Variants in PAFAH1B2 observed in about 807,000 individuals in gnomAD.
The protein encoded by PAFAH1B2 is platelet activating factor acetylhydrolase 1b catalytic subunit 2.
In PAFAH1B2, 8 loss-of-function variants were observed where a neutral mutation model predicts 28.0. The ratio of observed to expected loss-of-function variants is 0.29; its 90% confidence interval spans 0.17 to 0.52. The LOEUF is 0.52. PAFAH1B2 is among the 20% of genes least tolerant of loss of function. The pLI is 0.97. For synonymous variants in PAFAH1B2, 104 were observed against 103.2 expected (o/e 1.01, Z -0.05); for missense variants, 190 against 282.6 (o/e 0.67, Z 2.35).
chr11:117,176,514 C>T (rs566103662), exon 6 of PAFAH1B2: 85 of 192,844 alleles, frequency 4.4e-4, no homozygotes, highest in Middle Eastern at 1.8e-3. Flanking sequence ...TCTGACAAGG[C>T]ACTGATCTGG....
At chr11:117,176,675 G>A (rs545707258) in exon 6 of PAFAH1B2, 7 of 164,588 alleles carry the variant, frequency 4.3e-5, no homozygotes, top group Admixed American at 1.3e-4. Flanking sequence ...TCAGGAGTTC[G>A]AGATCAGCCT....
downstream of PAFAH1B2, among the ~76,000 whole-genome samples, chr11:117,174,206 G>GTGTGTGTGTGTGTGTGTGTGTGT (rs60947892): frequency 2.0e-5 from 3 of 146,386 alleles, no homozygotes; most frequent in Non-Finnish European, 4.5e-5. Flanking sequence ...GTGTGTGTGT[G>GTGTGTGTGTGTGTGTGTGTGTGT]GCAGTTTCAC....
chr11:117,152,212 G>A (rs536308797), intron 1 of PAFAH1B2, among the ~76,000 whole-genome samples: 1 of 152,304 alleles, frequency 6.6e-6, no homozygotes, highest in Admixed American at 6.5e-5. Flanking sequence ...CTGCAACTAA[G>A]TCATATTCAA....
downstream of PAFAH1B2, among the ~76,000 whole-genome samples, chr11:117,171,326 T>G (rs766313509): frequency 6.6e-6 from 1 of 152,224 alleles, no homozygotes; most frequent in Non-Finnish European, 1.5e-5. Context: ...TAGGTTAGTC[T>G]GGATTATAGG....
downstream of PAFAH1B2, chr11:117,171,821 CTG>C: frequency 1.7e-6 from 2 of 1,164,276 alleles, no homozygotes; most frequent in African/African-American, 1.5e-5. Context: ...TGCTTTATCA[CTG>C]TTCACCTCAG....
downstream of PAFAH1B2, chr11:117,171,061 C>T: frequency 5.8e-6 from 6 of 1,026,010 alleles, no homozygotes; most frequent in Non-Finnish European, 7.0e-6. Flanking sequence ...TGGTGTCTTT[C>T]TGTCTCCTTT....
intron 1 of PAFAH1B2, among the ~76,000 whole-genome samples, chr11:117,150,338 G>T (rs1435564570): frequency 1.3e-5 from 2 of 151,838 alleles, no homozygotes; most frequent in Non-Finnish European, 2.9e-5. Flanking sequence ...TTGTAGAGAC[G>T]GGGGTTTCAC....
At chr11:117,174,310 A>C (rs1956734595), downstream of PAFAH1B2, among the ~76,000 whole-genome samples, 1 of 151,460 alleles carries the variant, frequency 6.6e-6, no homozygotes, top group African/African-American at 2.4e-5. Context: ...CAGCCTCCCG[A>C]GTAGCTGGGA....
At position 117,164,140 on chromosome 11, in the gene PAFAH1B2, G is replaced by A. The variant is rs1200599665; in HGVS notation, c.411+248G>A. 15 of 313,972 alleles carry A rather than the reference G, an allele frequency of 4.8e-5. No homozygotes were observed. The South Asian group carries it at 6.2e-4, about 13-fold the overall frequency. The allele number at this position is 313,972 out of a possible 1,614,324, so 19.4% of individuals were successfully genotyped here. A position where few individuals can be genotyped will look rare whatever the true frequency, so the allele number is the denominator to read the frequency against. On this transcript the variant is annotated intron_variant, in intron 5 of 5. Coordinates refer to ENST00000527958, the MANE Select transcript of PAFAH1B2 (RefSeq NM_002572.4). ...ATGGAAGCCGTGGCCAGGCGCTGTG[G>A]CTCACGCCTGTAATCCCAGCACTTT...
chr11:117,162,648 G>A (rs1434347702), intron 4 of PAFAH1B2, among the ~76,000 whole-genome samples: 1 of 151,104 alleles, frequency 6.6e-6, no homozygotes, highest in African/African-American at 2.4e-5. Flanking sequence ...ACACACCTTA[G>A]GAAGCTGAGG....
At chr11:117,172,923 G>A (rs1204827453), downstream of PAFAH1B2, among the ~76,000 whole-genome samples, 2 of 152,178 alleles carry the variant, frequency 1.3e-5, no homozygotes. Context: ...GGCTGGTCTC[G>A]AATTCCTGGC....
At chr11:117,167,308 C>G in intron 5 of PAFAH1B2, 113 bp from the exon 6 acceptor site, 2 of 1,081,472 alleles carry the variant, frequency 1.8e-6, no homozygotes, top group Non-Finnish European at 2.6e-6. Context: ...TTTCACAACT[C>G]AAAGGTGTAG....
intron 1 of PAFAH1B2, among the ~76,000 whole-genome samples, chr11:117,145,105 G>C (rs1329269848): frequency 6.6e-6 from 1 of 152,170 alleles, no homozygotes; most frequent in Admixed American, 6.5e-5. Flanking sequence ...TCTTAGACAT[G>C]AATGTGCTCG....
intron 4 of PAFAH1B2, among the ~76,000 whole-genome samples, chr11:117,161,491 CT>C (rs1379473838): frequency 2.0e-5 from 3 of 147,928 alleles, no homozygotes; most frequent in African/African-American, 7.5e-5. Context: ...GTTATAATTA[CT>C]TTCTTAAGTT....
intron 2 of PAFAH1B2, among the ~76,000 whole-genome samples, chr11:117,156,264 T>C (rs922698349): frequency 2.0e-5 from 3 of 152,228 alleles, no homozygotes; most frequent in Admixed American, 6.5e-5. Flanking sequence ...TCTAGTATGA[T>C]GTTAAGTGCA....
chr11:117,150,591 G>A (rs1956126441), intron 1 of PAFAH1B2, among the ~76,000 whole-genome samples: 1 of 151,990 alleles, frequency 6.6e-6, no homozygotes, highest in Non-Finnish European at 1.5e-5. Context: ...TTTCACGTTT[G>A]GGGCTTGGTA....
At position 117,176,129 on chromosome 11, in the gene PAFAH1B2, G is replaced by C. The variant is rs528140854; in HGVS notation, c.*1231G>C. ...ACTTGAGTCTAGTGAGGTACTAATG[G>C]GCTGAAGTTTTTCTGAGCGTCACTT... On this transcript the variant is annotated 3_prime_UTR_variant, in exon 6 of 6. Coordinates refer to the PAFAH1B2 transcript ENST00000419197. 34 of 578,300 alleles carry C rather than the reference G, an allele frequency of 5.9e-5. No homozygotes were observed. The African/African-American group carries it at 6.2e-4, about 11-fold the overall frequency. The allele number at this position is 578,300 out of a possible 1,614,324, so 35.8% of individuals were successfully genotyped here.
intron 2 of PAFAH1B2, among the ~76,000 whole-genome samples, chr11:117,157,763 G>GA (rs1016861542): frequency 2.0e-5 from 3 of 151,848 alleles, no homozygotes; most frequent in Non-Finnish European, 4.4e-5. Context: ...CCATCTTTGG[G>GA]AAAAAAAGAG....
Position 117,169,681 on chromosome 11 carries a change from T to A in PAFAH1B2, c.*1982T>A. 1.9e-6 allele frequency: 2 copies of A among 1,055,880 alleles called. No individual in the cohort carries two copies. The highest frequency in any genetic ancestry group is 2.3e-6 in the Non-Finnish European group (2 of 873,140). The allele number at this position is 1,055,880 out of a possible 1,614,324, so 65.4% of individuals were successfully genotyped here. A position where few individuals can be genotyped will look rare whatever the true frequency, so the allele number is the denominator to read the frequency against. On this transcript the variant is annotated 3_prime_UTR_variant, in exon 6 of 6. Transcript: ENST00000527958. ...CCACATGGTGTTTACTAAACTTGTT[T>A]ACGACATTAAAAATTTCCTTTTTAT...
Sources: allele counts gnomAD v4.1 joint callset (sites outside exome capture counted in the v4.1 genomes callset), GRCh38; gene constraint gnomAD v4.1.1; transcripts MANE v1.5; gene names NCBI Gene and HGNC (gene_info 2026-07-23, HGNC 2026-07-21).